Variants in KLF12 observed in about 807,000 individuals in gnomAD.
KLF12 encodes Krueppel-like factor 12.
Under a neutral mutation model 37.8 loss-of-function variants are expected in KLF12, and 9 were observed. The observed-to-expected ratio is 0.24, with a 90% CI of 0.14 to 0.42. The LOEUF (loss-of-function observed/expected upper bound fraction) is 0.42. Among genes scored for constraint, KLF12 ranks in the 10% least tolerant of loss-of-function variants. KLF12 has a pLI of 1.00. For synonymous variants in KLF12, 208 were observed against 202.1 expected, an observed-to-expected ratio of 1.03 and a Z score of -0.25; for missense variants, 411 against 516.0, an observed-to-expected ratio of 0.80 and a Z score of 1.97.
At chr13:74,294,295 C>T in the KLF12 span, among the ~76,000 whole-genome samples, 4 of 152,212 alleles carry the variant, frequency 2.6e-5, no homozygotes, top group South Asian at 4.1e-4. Flanking sequence ...TCATGTACAT[C>T]GGACCCATTA....
chr13:74,076,406 G>A (rs1463545361), intron 1 of KLF12, among the ~76,000 whole-genome samples: 1 of 152,174 alleles, frequency 6.6e-6, no homozygotes, highest in Non-Finnish European at 1.5e-5. Context: ...TCAGACAGGT[G>A]AGGGGTGTTC....
intron 5 of KLF12, among the ~76,000 whole-genome samples, chr13:73,784,777 C>T (rs530486056): frequency 2.6e-5 from 4 of 151,936 alleles, no homozygotes; most frequent in African/African-American, 7.2e-5. Flanking sequence ...ATTACAGACA[C>T]CCCCCACCAT....
At chr13:74,283,121 C>G in the KLF12 span, among the ~76,000 whole-genome samples, 2 of 152,110 alleles carry the variant, frequency 1.3e-5, no homozygotes, top group African/African-American at 4.8e-5. Flanking sequence ...TCCAACCTAC[C>G]AAATTGGAGA....
rs1041857365 is a variant in KLF12, at chr13:73,980,448, A to T, written c.33+14542T>A. ...AATAGATGCAAATATCCTATATAAA[A>T]TATTACTAAACATATCCCAGTGGGA... On this transcript the variant is annotated intron_variant, in intron 2 of 7. Coordinates refer to ENST00000377669, the MANE Select transcript of KLF12 (RefSeq NM_007249.5). Among the ~76,000 whole-genome samples the T allele has an allele frequency of 3.3e-5, 5 of 152,224 alleles. No homozygotes were observed. The South Asian group carries it at 1.0e-3, about 31-fold the overall frequency.
intron 3 of KLF12, among the ~76,000 whole-genome samples, chr13:73,861,842 A>G (rs1470595169): frequency 6.6e-6 from 1 of 152,146 alleles, no homozygotes; most frequent in African/African-American, 2.4e-5. Context: ...GCATGTGTGT[A>G]TTCTTGTGAC....
intron 1 of KLF12, among the ~76,000 whole-genome samples, chr13:74,113,523 C>A (rs1877103199): frequency 6.6e-6 from 1 of 152,126 alleles, no homozygotes; most frequent in African/African-American, 2.4e-5. Context: ...ACAACAAAGC[C>A]TGGATAATGG....
At chr13:74,098,269 G>C (rs1876097803) in intron 1 of KLF12, among the ~76,000 whole-genome samples, 2 of 152,158 alleles carry the variant, frequency 1.3e-5, no homozygotes, top group African/African-American at 4.8e-5. Context: ...TTTATTAAGT[G>C]CTAAAAATGG....
intron 1 of KLF12, among the ~76,000 whole-genome samples, chr13:74,034,776 T>C (rs1893205883): frequency 6.6e-6 from 1 of 152,256 alleles, no homozygotes; most frequent in African/African-American, 2.4e-5. Flanking sequence ...CAAAGCATAA[T>C]GCCTAGGCAA....
intron 1 of KLF12, among the ~76,000 whole-genome samples, chr13:74,051,331 T>G: frequency 1.1e-5 from 1 of 90,394 alleles, no homozygotes; most frequent in African/African-American, 4.2e-5. Flanking sequence ...TGTGTATACA[T>G]ACACACACAA....
the KLF12 span, among the ~76,000 whole-genome samples, chr13:74,229,470 G>A: frequency 6.6e-6 from 1 of 152,148 alleles, no homozygotes; most frequent in Non-Finnish European, 1.5e-5. Flanking sequence ...TCAGCTGCTT[G>A]TAAAAAGTAA....
At chr13:74,120,959 A>C (rs1287220658) in intron 1 of KLF12, among the ~76,000 whole-genome samples, 1 of 152,148 alleles carries the variant, frequency 6.6e-6, no homozygotes, top group East Asian at 1.9e-4. Context: ...ACAGGTGACT[A>C]TGAGGGAACA....
intron 4 of KLF12, among the ~76,000 whole-genome samples, chr13:73,837,267 A>T (rs1884483576): frequency 6.6e-6 from 1 of 152,196 alleles, no homozygotes; most frequent in South Asian, 2.1e-4. Flanking sequence ...CTCTTAGAAC[A>T]ATACAGACAG....
rs772575756 is a variant in KLF12, at chr13:73,693,867, G to C, written c.*1623C>G. ...AAAGCTGGAAAAAAACCCAGCTTGT[G>C]GTGGGGACAAAAATATGGTAATTTT... On this transcript the variant is annotated 3_prime_UTR_variant, in exon 8 of 8. Transcript: ENST00000377669. 19 of 152,610 alleles carry C rather than the reference G, an allele frequency of 1.2e-4. No homozygotes were observed. Among genetic ancestry groups the C allele is most frequent in the Non-Finnish European group, 2.6e-4 (18 of 68,030 alleles). The allele number at this position is 152,610 out of a possible 1,614,324, so 9.5% of individuals were successfully genotyped here. A position where few individuals can be genotyped will look rare whatever the true frequency, so the allele number is the denominator to read the frequency against.
the KLF12 span, among the ~76,000 whole-genome samples, chr13:74,302,835 G>A: frequency 6.6e-6 from 1 of 152,046 alleles, no homozygotes; most frequent in African/African-American, 2.4e-5. Flanking sequence ...AGGAGGTGGG[G>A]GTGCTGCTTC....
At chr13:74,168,854 CA>C in the KLF12 span, among the ~76,000 whole-genome samples, 8 of 152,124 alleles carry the variant, frequency 5.3e-5, no homozygotes, top group African/African-American at 1.9e-4. Flanking sequence ...TGGGAAGAAT[CA>C]AAGAAGAAAA....
rs1436547194 is a variant in KLF12 at position 74,089,820 on chromosome 13, AAAC to A, written c.-32+43916_-32+43918del. Among the ~76,000 whole-genome samples, 6 of 149,922 alleles carry A rather than the reference AAAC, an allele frequency of 4.0e-5. No homozygotes were observed. The South Asian group carries it at 6.3e-4, about 16-fold the overall frequency. On this transcript the variant is annotated intron_variant, in intron 1 of 7. Transcript: ENST00000377669. ...TGCAGGGGGAAAAAAAAAAAAAAAA[AAAC>A]AACCATGGCTAGTATCATACTTAAA...
In KLF12 at chr13:73,959,193, C is replaced by A. The variant is rs532447257; in HGVS notation, c.34-15123G>T. 1.2e-4 allele frequency among the ~76,000 whole-genome samples: 18 copies of A among 150,704 alleles called. 1 individual carries two copies. The South Asian group carries it at 3.6e-3, about 30-fold the overall frequency. ...TGAATTTTCCATCAAGGAATGACAT[C>A]ATCATTGACACAACCCTATTTCTCA... On this transcript the variant is annotated intron_variant, in intron 2 of 7. Coordinates refer to ENST00000377669, the MANE Select transcript of KLF12 (RefSeq NM_007249.5).
chr13:73,852,873 T>A (rs571516217), intron 3 of KLF12, among the ~76,000 whole-genome samples: 19 of 146,988 alleles, frequency 1.3e-4, no homozygotes, highest in South Asian at 4.3e-4. Context: ...ACATTTATGT[T>A]TTTTTTTTTT....
At chr13:74,025,467 T>C (rs1231907320) in intron 1 of KLF12, among the ~76,000 whole-genome samples, 1 of 152,114 alleles carries the variant, frequency 6.6e-6, no homozygotes, top group South Asian at 2.1e-4. Flanking sequence ...ACTACTGCTA[T>C]AGCTTCAAGG....
Sources: gnomAD v4.1 joint callset for allele counts (sites outside exome capture counted in the v4.1 genomes callset) on GRCh38, gnomAD v4.1.1 for gene constraint, MANE v1.5 for transcripts, NCBI Gene and HGNC (gene_info 2026-07-23, HGNC 2026-07-21) for gene names.